The following BBX variants were observed in gnomAD, a reference collection of about 807,000 sequenced individuals.
BBX encodes BBX high mobility group box domain containing, also known as HMG box transcription factor BBX.
Under a neutral mutation model 100.2 loss-of-function variants are expected in BBX, and 30 were observed. The ratio of observed to expected loss-of-function variants is 0.30; its 90% CI spans 0.22 to 0.41. The LOEUF is 0.41. Among genes scored for constraint, BBX ranks in the 10% least tolerant of loss-of-function variants. The pLI, the probability that BBX is intolerant of heterozygous loss-of-function variation, is 1.00. For synonymous variants in BBX, 376 were observed against 388.1 expected (o/e 0.97, Z 0.37); for missense variants, 1,023 against 1,129.8 (o/e 0.91, Z 1.35).
chr3:107,541,428 A>G (rs932414872), intron 2 of BBX, among the ~76,000 whole-genome samples: 1 of 152,192 alleles, frequency 6.6e-6, no homozygotes, highest in African/African-American at 2.4e-5. Context: ...TGAGCTACAA[A>G]ATATCAGTTA....
intron 13 of BBX, among the ~76,000 whole-genome samples, chr3:107,786,867 G>A (rs2107899590): frequency 6.6e-6 from 1 of 152,196 alleles, no homozygotes; most frequent in South Asian, 2.1e-4. Flanking sequence ...CACAGAATGG[G>A]AGAAAATATT....
chr3:107,538,220 C>T (rs1048633966), intron 2 of BBX, among the ~76,000 whole-genome samples: 2 of 152,102 alleles, frequency 1.3e-5, no homozygotes, highest in African/African-American at 4.8e-5. Context: ...TAATAATTTT[C>T]TACAGATAAT....
intron 13 of BBX, among the ~76,000 whole-genome samples, chr3:107,782,709 T>G (rs1358896744): frequency 6.6e-6 from 1 of 152,096 alleles, no homozygotes; most frequent in Non-Finnish European, 1.5e-5. Flanking sequence ...CATTTGGCCC[T>G]TTTGTTTTCT....
At position 107,653,919 on chromosome 3, in the gene BBX, T is replaced by G. The variant is rs910970574; in HGVS notation, c.-10+8010T>G. 2.0e-5 allele frequency among the ~76,000 whole-genome samples: 3 copies of G among 152,098 alleles called. No homozygotes were observed. The East Asian group carries it at 5.8e-4, about 29-fold the overall frequency. ...AAGAGAAAAATTAACACCTATCAAA[T>G]GTGAGATGTATCCATGTGCAGAGTA... is the stretch of plus-strand genomic sequence containing the variant. On this transcript the variant is annotated intron_variant, in intron 3 of 17. Coordinates refer to ENST00000325805, the MANE Select transcript of BBX (RefSeq NM_001142568.3).
At chr3:107,747,045 CT>C (rs2064675111) in intron 8 of BBX, among the ~76,000 whole-genome samples, 1 of 152,086 alleles carries the variant, frequency 6.6e-6, no homozygotes, top group Non-Finnish European at 1.5e-5. Context: ...GTTTTTTTCA[CT>C]TTGGAACCAA....
At position 107,805,503 on chromosome 3, in the gene BBX, C is replaced by A. The variant is rs1210947373; in HGVS notation, c.*46C>A. 1.2e-6 allele frequency: 2 copies of A among 1,613,888 alleles called. No homozygotes were observed. Among genetic ancestry groups the A allele is most frequent in the Non-Finnish European group, 1.7e-6 (2 of 1,179,842 alleles). On this transcript the variant is annotated 3_prime_UTR_variant, in exon 18 of 18. Coordinates refer to ENST00000325805, the MANE Select transcript of BBX (RefSeq NM_001142568.3). ...CATTGTGCTTTACCTACTACCCTAG[C>A]CTTGTCTTTACCGAGGGATGCTAGT...
rs2056161295 is a variant in BBX at position 107,626,193 on chromosome 3, T to C, written c.-83-19643T>C. Among the ~76,000 whole-genome samples, 3 of 152,350 alleles carry C rather than the reference T, an allele frequency of 2.0e-5. No individual in the cohort carries two copies. The South Asian group carries it at 6.2e-4, about 32-fold the overall frequency. ...AAGCAAAGCTAGAAGAAACATGTTC[T>C]ATATGGGTGACTGGAAAATCTGAGA... On this transcript the variant is annotated intron_variant, in intron 2 of 17. Coordinates refer to ENST00000325805, the MANE Select transcript of BBX (RefSeq NM_001142568.3).
Position 107,526,354 on chromosome 3 carries a change from C to T in BBX, c.-128C>T, listed in dbSNP as rs1023114120. ...CACTATCATATGACAAAGGCTTTGC[C>T]GCAGTTCATCTTCCTCCCTGTGTAC... On this transcript the variant is annotated 5_prime_UTR_variant, in exon 2 of 18. Transcript: ENST00000325805. 5.0e-6 allele frequency: 2 copies of T among 398,510 alleles called. No homozygotes were observed. The highest frequency in any genetic ancestry group is 4.1e-5 in the African/African-American group (2 of 48,612). 24.7% of individuals were successfully genotyped at this position (398,510 alleles called of 1,614,324 possible). A position where few individuals can be genotyped will look rare whatever the true frequency, so the allele number is the denominator to read the frequency against.
chr3:107,680,137 A>G (rs1407141119), intron 3 of BBX, among the ~76,000 whole-genome samples: 3 of 152,104 alleles, frequency 2.0e-5, no homozygotes, highest in Non-Finnish European at 4.4e-5. Flanking sequence ...AGTGAGCCCT[A>G]TTTTTGGATG....
intron 3 of BBX, among the ~76,000 whole-genome samples, chr3:107,695,678 T>C (rs928103132): frequency 1.3e-4 from 20 of 151,674 alleles, no homozygotes; most frequent in Non-Finnish European, 4.4e-5. Context: ...TTCTGTTGAT[T>C]TGGGGTGGAG....
intron 10 of BBX, among the ~76,000 whole-genome samples, chr3:107,768,328 T>C (rs1037483412): frequency 6.6e-6 from 1 of 152,208 alleles, no homozygotes; most frequent in Non-Finnish European, 1.5e-5. Context: ...TTAGCAAGAC[T>C]TTTGACAGAT....
intron 3 of BBX, among the ~76,000 whole-genome samples, chr3:107,702,891 T>G (rs867912979): frequency 2.0e-5 from 3 of 152,208 alleles, no homozygotes; most frequent in Middle Eastern, 3.4e-3. Context: ...GAGAAAGGAC[T>G]GCGCAGAAGC....
At chr3:107,598,503 A>C (rs1180777393) in intron 2 of BBX, among the ~76,000 whole-genome samples, 1 of 152,228 alleles carries the variant, frequency 6.6e-6, no homozygotes, top group African/African-American at 2.4e-5. Flanking sequence ...AATTTTGAGT[A>C]AACAACAAAC....
intron 17 of BBX, among the ~76,000 whole-genome samples, chr3:107,804,403 T>C (rs888174826): frequency 2.0e-5 from 3 of 152,190 alleles, no homozygotes; most frequent in Admixed American, 1.3e-4. Flanking sequence ...CTACAGACCA[T>C]TGTAGGTTAC....
chr3:107,523,841 G>C (rs902121485), intron 1 of BBX, among the ~76,000 whole-genome samples: 2 of 152,136 alleles, frequency 1.3e-5, no homozygotes, highest in African/African-American at 4.8e-5. Flanking sequence ...CGGCCCCGCA[G>C]ATCAGTGCCC....
Position 107,810,468 on chromosome 3 carries a change from T to C in BBX, c.*5011T>C, listed in dbSNP as rs1559843890. On this transcript the variant is annotated 3_prime_UTR_variant, in exon 18 of 18. Transcript: ENST00000325805. Reference sequence around the variant, plus strand: ...AGGTGGTTACTGAGTAACAAGGATCTAATTCAATGCCTCAAAACTCTTCCA... The same window carrying C: ...AGGTGGTTACTGAGTAACAAGGATCCAATTCAATGCCTCAAAACTCTTCCA... 6.6e-6 allele frequency: 1 copy of C among 152,346 alleles called. No individual in the cohort carries two copies. Among genetic ancestry groups the C allele is most frequent in the Middle Eastern group, 3.4e-3 (1 of 296 alleles). 9.4% of individuals were successfully genotyped at this position (152,346 alleles called of 1,614,324 possible). A position where few individuals can be genotyped will look rare whatever the true frequency, so the allele number is the denominator to read the frequency against.
At chr3:107,797,050 C>A (rs1366425580) in intron 15 of BBX, among the ~76,000 whole-genome samples, 2 of 151,978 alleles carry the variant, frequency 1.3e-5, no homozygotes, top group Non-Finnish European at 2.9e-5. Flanking sequence ...TACATACTTT[C>A]TTTTGATGTA....
At chr3:107,627,160 A>G (rs1043012389) in intron 2 of BBX, among the ~76,000 whole-genome samples, 1 of 152,236 alleles carries the variant, frequency 6.6e-6, no homozygotes, top group Non-Finnish European at 1.5e-5. Flanking sequence ...GGTTGGGCTT[A>G]CTGGCTACCA....
intron 1 of BBX, chr3:107,525,510 T>C (rs2047697765): frequency 6.6e-6 from 1 of 152,514 alleles, no homozygotes; most frequent in African/African-American, 2.4e-5. Context: ...CTTCATTTTT[T>C]CTTCCCCCCT....
Sources: allele counts gnomAD v4.1 joint callset (sites outside exome capture counted in the v4.1 genomes callset), GRCh38; gene constraint gnomAD v4.1.1; transcripts MANE v1.5; gene names NCBI Gene and HGNC (gene_info 2026-07-23, HGNC 2026-07-21).